The following CDH17 variants were observed in gnomAD, a reference collection of about 807,000 sequenced individuals.
CDH17 encodes cadherin 17, also known as cadherin-17.
Under a neutral mutation model 86.3 loss-of-function variants are expected in CDH17, and 67 were observed. The observed-to-expected ratio is 0.78, with a 90% confidence interval of 0.64 to 0.95. The LOEUF (loss-of-function observed/expected upper bound fraction) is 0.95. Ranked by LOEUF, CDH17 falls within the 40% of genes least tolerant of loss-of-function variation. The pLI is 0.00. For synonymous variants in CDH17, 367 were observed against 366.4 expected, an observed-to-expected ratio of 1.00 and a Z score of -0.02; for missense variants, 993 against 1,017.6, an observed-to-expected ratio of 0.98 and a Z score of 0.33.
At chr8:94,193,541 G>A (rs554735608) in intron 2 of CDH17, among the ~76,000 whole-genome samples, 25 of 152,304 alleles carry the variant, frequency 1.6e-4, no homozygotes, top group African/African-American at 5.5e-4. Context: ...TCAAAGCTTA[G>A]GTAACTCACC....
chr8:94,177,289 T>C (rs1324615961), intron 4 of CDH17, among the ~76,000 whole-genome samples: 1 of 152,166 alleles, frequency 6.6e-6, no homozygotes, highest in African/African-American at 2.4e-5. Flanking sequence ...ATCAGAGATG[T>C]GCTGACTTTT....
chr8:94,211,605 TC>T (rs1814122619), upstream of CDH17, among the ~76,000 whole-genome samples: 1 of 152,306 alleles, frequency 6.6e-6, no homozygotes, highest in Non-Finnish European at 1.5e-5. Flanking sequence ...GAGCCACTGC[TC>T]CTGGCCTATT....
intron 17 of CDH17, among the ~76,000 whole-genome samples, chr8:94,129,561 CCTT>C (rs1351337124): frequency 4.6e-5 from 7 of 152,128 alleles, no homozygotes; most frequent in Non-Finnish European, 8.8e-5. Flanking sequence ...TAATCCTAGT[CCTT>C]CTTTTAAAAG....
intron 13 of CDH17, 59 bp from the exon 14 acceptor site, chr8:94,148,933 C>A: frequency 6.7e-7 from 1 of 1,489,938 alleles, no homozygotes; most frequent in Non-Finnish European, 9.1e-7. Flanking sequence ...AAATGTGAAG[C>A]TAGTTTGTGC....
intron 15 of CDH17, among the ~76,000 whole-genome samples, chr8:94,140,905 C>T (rs964980481): frequency 2.0e-5 from 3 of 151,882 alleles, no homozygotes; most frequent in African/African-American, 7.3e-5. Flanking sequence ...TACACCAGGC[C>T]CAGATAGCTT....
In CDH17 at chr8:94,188,182, G is replaced by A. The variant is rs141027486; in HGVS notation, c.150+1005C>T. ...TGTATTATGGTCATGGAACCTACTC[G>A]CATTCTCCCATATACATTAAACCAT... On this transcript the variant is annotated intron_variant, in intron 3 of 17. Coordinates refer to ENST00000027335, the MANE Select transcript of CDH17 (RefSeq NM_004063.4). Among the ~76,000 whole-genome samples, 15 of 152,132 alleles carry A rather than the reference G, an allele frequency of 9.9e-5. 1 individual carries two copies. In the South Asian group the frequency reaches 2.1e-3, roughly 21 times the overall value.
chr8:94,201,387 C>G (rs1281470999), intron 1 of CDH17, among the ~76,000 whole-genome samples: 1 of 152,136 alleles, frequency 6.6e-6, no homozygotes, highest in Non-Finnish European at 1.5e-5. Flanking sequence ...GGAGTCTTTA[C>G]AGAGGTAACG....
chr8:94,176,893 G>A (rs1282480235), intron 4 of CDH17, among the ~76,000 whole-genome samples: 2 of 152,224 alleles, frequency 1.3e-5, no homozygotes, highest in Non-Finnish European at 2.9e-5. Context: ...TCAGCAGGGT[G>A]TTCTGGACAC....
chr8:94,149,284 C>T (rs1475291318), intron 13 of CDH17, among the ~76,000 whole-genome samples: 1 of 152,098 alleles, frequency 6.6e-6, no homozygotes, highest in Non-Finnish European at 1.5e-5. Context: ...AATTTGAACA[C>T]CCAGTGGTGG....
intron 15 of CDH17, among the ~76,000 whole-genome samples, chr8:94,142,104 G>A (rs1423872226): frequency 6.6e-6 from 1 of 152,090 alleles, no homozygotes; most frequent in Non-Finnish European, 1.5e-5. Context: ...AAAAAAGGAT[G>A]TTTTAAACAA....
intron 9 of CDH17, among the ~76,000 whole-genome samples, chr8:94,170,040 A>T (rs1317053699): frequency 6.6e-6 from 1 of 152,146 alleles, no homozygotes; most frequent in Non-Finnish European, 1.5e-5. Context: ...CTTTAATGAG[A>T]TTATTAGAAG....
intron 15 of CDH17, among the ~76,000 whole-genome samples, chr8:94,139,864 G>A (rs1256337465): frequency 1.3e-5 from 2 of 150,836 alleles, no homozygotes; most frequent in African/African-American, 4.9e-5. Context: ...TCCAGCCTGG[G>A]CAACAGAGTA....
At chr8:94,144,033 A>G (rs1249645018) in intron 15 of CDH17, among the ~76,000 whole-genome samples, 1 of 152,240 alleles carries the variant, frequency 6.6e-6, no homozygotes, top group African/African-American at 2.4e-5. Flanking sequence ...GGCTATCAAC[A>G]TAACATCCTC....
intron 15 of CDH17, among the ~76,000 whole-genome samples, chr8:94,132,085 C>T (rs1812432005): frequency 6.6e-6 from 1 of 152,148 alleles, no homozygotes; most frequent in Non-Finnish European, 1.5e-5. Flanking sequence ...CATTGATGGA[C>T]ATTTTGGTTG....
chr8:94,187,923 C>T (rs1813611956), intron 3 of CDH17, among the ~76,000 whole-genome samples: 1 of 152,146 alleles, frequency 6.6e-6, no homozygotes, highest in Admixed American at 6.5e-5. Flanking sequence ...AACACCCTAC[C>T]TCACCGGGCT....
intron 3 of CDH17, among the ~76,000 whole-genome samples, chr8:94,183,942 A>C (rs1298803781): frequency 6.6e-6 from 1 of 152,148 alleles, no homozygotes; most frequent in Non-Finnish European, 1.5e-5. Flanking sequence ...ATAAATAGTC[A>C]ATTGCCCCAT....
At chr8:94,168,553 T>G (rs1222664185) in intron 9 of CDH17, among the ~76,000 whole-genome samples, 1 of 152,148 alleles carries the variant, frequency 6.6e-6, no homozygotes, top group Admixed American at 6.5e-5. Context: ...TCTTGTACCC[T>G]TTTAAGCTTA....
intron 1 of CDH17, among the ~76,000 whole-genome samples, chr8:94,214,564 G>C (rs1348574637): frequency 6.6e-6 from 1 of 152,004 alleles, no homozygotes; most frequent in Non-Finnish European, 1.5e-5. Flanking sequence ...GAAAGCAGGG[G>C]TAAATCTTTA....
intron 1 of CDH17, among the ~76,000 whole-genome samples, chr8:94,207,148 T>A (rs867231829): frequency 6.6e-6 from 1 of 152,216 alleles, no homozygotes; most frequent in Admixed American, 6.5e-5. Flanking sequence ...ATTATTCTCA[T>A]ATTTTTGAAT....
Sources: gnomAD v4.1 joint callset for allele counts (sites outside exome capture counted in the v4.1 genomes callset) on GRCh38, gnomAD v4.1.1 for gene constraint, MANE v1.5 for transcripts, NCBI Gene and HGNC (gene_info 2026-07-23, HGNC 2026-07-21) for gene names.